ZNF699: variants seen among roughly 807,000 people sequenced by gnomAD.
ZNF699 encodes hangover homolog.
In ZNF699, 18 loss-of-function variants were observed where a neutral mutation model predicts 22.5. That is an observed-to-expected ratio of 0.80 (90% CI 0.55 to 1.19). The LOEUF (loss-of-function observed/expected upper bound fraction) is 1.19. Ranked by LOEUF, ZNF699 falls within the 50% of genes most tolerant of loss-of-function variation. The pLI, the probability that ZNF699 is intolerant of heterozygous loss-of-function variation, is 0.00. For synonymous variants in ZNF699, 241 were observed against 262.3 expected, an observed-to-expected ratio of 0.92 and a Z score of 0.78; for missense variants, 670 against 763.4, an observed-to-expected ratio of 0.88 and a Z score of 1.44.
chr19:9,302,280 G>T, intron 3 of ZNF699, 98 bp downstream of exon 3: 1 of 1,409,738 alleles, frequency 7.1e-7, no homozygotes, highest in Non-Finnish European at 9.9e-7. Context: ...ACTTACCAAT[G>T]TCTTCCCATT....
intron 2 of ZNF699, 73 bp from the exon 3 acceptor site, chr19:9,302,577 A>T: frequency 6.8e-7 from 1 of 1,479,212 alleles, no homozygotes; most frequent in South Asian, 1.3e-5. Flanking sequence ...GATGAGGCTC[A>T]CAACATCGAG....
At chr19:9,301,777 ACCT>A (rs1209128463) in intron 3 of ZNF699, among the ~76,000 whole-genome samples, 2 of 151,594 alleles carry the variant, frequency 1.3e-5, no homozygotes, top group African/African-American at 2.4e-5. Flanking sequence ...CAAACTACAA[ACCT>A]CCTCCCTGTG....
intron 3 of ZNF699, 61 bp downstream of exon 3, chr19:9,302,311 TAAAGTC>T: frequency 6.3e-7 from 1 of 1,581,736 alleles, no homozygotes; most frequent in Non-Finnish European, 8.7e-7. Context: ...AATCCTAGAA[TAAAGTC>T]AATTTAGTGA....
Position 9,303,026 on chromosome 19 carries a change from AAC to A in ZNF699, c.49-524_49-523del, listed in dbSNP as rs375615077. Among the ~76,000 whole-genome samples, 1,056 of 152,176 alleles carry A rather than the reference AAC, an allele frequency of 6.9e-3. 7 individuals are homozygous for A. The highest frequency in any genetic ancestry group is 0.024 in the African/African-American group (994 of 41,532). The stretch of plus-strand genomic sequence containing the variant: ...CTGGACAAAAAAAAACAAAAACAAA[AAC>A]AAAAAAACATTAAATTTATCTCCCC... On this transcript the variant is annotated intron_variant, in intron 2 of 5. Coordinates refer to ENST00000591998, the MANE Select transcript of ZNF699 (RefSeq NM_198535.3).
chr19:9,292,095 T>G lies in ZNF699; in HGVS notation c.*3380A>C, dbSNP rs1385856726. Among the ~76,000 whole-genome samples the G allele has an allele frequency of 6.6e-6, 1 of 152,136 alleles. No homozygotes were observed. The highest frequency in any genetic ancestry group is 2.4e-5 in the African/African-American group (1 of 41,414). On this transcript the variant is annotated 3_prime_UTR_variant, in exon 6 of 6. Transcript: ENST00000591998. The stretch of plus-strand genomic sequence containing the variant: ...AGGAACTACCTAACCCTGGCTGAGT[T>G]CCCAGACTTCACAGTTCCCACTTGC...
rs1413310531 is a variant in ZNF699, at chr19:9,292,384, A to G, written c.*3091T>C. On this transcript the variant is annotated 3_prime_UTR_variant, in exon 6 of 6. Coordinates refer to ENST00000591998, the MANE Select transcript of ZNF699 (RefSeq NM_198535.3). ...ATTCAATTCTGATCATCATATTGGAACCACTCAAAAAGACAATCACTCTTT... is the reference window on the plus strand; with the variant it reads ...ATTCAATTCTGATCATCATATTGGAGCCACTCAAAAAGACAATCACTCTTT... Among the ~76,000 whole-genome samples the G allele has an allele frequency of 6.6e-6, 1 of 152,192 alleles. No individual in the cohort carries two copies. Among genetic ancestry groups the G allele is most frequent in the Non-Finnish European group, 1.5e-5 (1 of 68,028 alleles).
rs2066288297 is a variant in ZNF699, at chr19:9,296,735, A to G, written c.669T>C (p.Tyr223=). The G allele has an allele frequency of 3.7e-6, 6 of 1,613,982 alleles. No homozygotes were observed. In the East Asian group the frequency reaches 1.1e-4, roughly 30 times the overall value. The change falls in exon 6 of 6, where the codon TAT becomes TAC. Residue 223 remains tyrosine, a synonymous_variant. Coordinates refer to ENST00000591998, the MANE Select transcript of ZNF699 (RefSeq NM_198535.3). The part of the protein sequence containing the change: ...HIRSHTGSKP[Y]QCKECGKAFH... Reference sequence around the variant, plus strand: ...AGGCCTTCCCACATTCCTTGCACTGATAGGGTTTGCTTCCAGTATGAGACC... The same window carrying G: ...AGGCCTTCCCACATTCCTTGCACTGGTAGGGTTTGCTTCCAGTATGAGACC...
chr19:9,295,698 C>G lies in ZNF699; in HGVS notation c.1706G>C (p.Arg569Pro). Residue 569 changes from arginine to proline, a missense_variant, in exon 6 of 6, where the codon CGT becomes CCT. Arg to Pro is a moderately radical substitution (Grantham distance 103, BLOSUM62 -2). Transcript: ENST00000591998. ...YECKECGKAFRHSSYLTVHAR... is the reference protein window; with the variant it reads ...YECKECGKAFPHSSYLTVHAR... ...ATGTACAGTAAGGTATGAAGAATGA[C>G]GAAATGCTTTCCCACATTCCTTACA... 1 of 1,613,822 alleles carries G rather than the reference C, an allele frequency of 6.2e-7. No individual in the cohort carries two copies. The highest frequency in any genetic ancestry group is 1.1e-5 in the South Asian group (1 of 91,060).
chr19:9,298,084 C>T, intron 3 of ZNF699, 94 bp from the exon 4 acceptor site: 1 of 722,930 alleles, frequency 1.4e-6, no homozygotes. Context: ...TTCTGATATT[C>T]CAAAAATGGA....
chr19:9,298,135 A>ATT (rs55772378), intron 3 of ZNF699, 145 bp from the exon 4 acceptor site: 5 of 491,854 alleles, frequency 1.0e-5, no homozygotes, highest in South Asian at 3.1e-5. Flanking sequence ...AAATTTATTT[A>ATT]TTTTTTTTTT....
rs1332360256 is a variant in ZNF699, at chr19:9,292,161, A to T, written c.*3314T>A. On this transcript the variant is annotated 3_prime_UTR_variant, in exon 6 of 6. Coordinates refer to ENST00000591998, the MANE Select transcript of ZNF699 (RefSeq NM_198535.3). Reference sequence around the variant, plus strand: ...AACAGCTAACATTACCACTGCTTTTAGATCCTACCTGCCCACTCCTTCCTC... The same window carrying T: ...AACAGCTAACATTACCACTGCTTTTTGATCCTACCTGCCCACTCCTTCCTC... Among the ~76,000 whole-genome samples the T allele has an allele frequency of 1.3e-5, 2 of 152,164 alleles. No homozygotes were observed. The highest frequency in any genetic ancestry group is 4.8e-5 in the African/African-American group (2 of 41,434).
chr19:9,296,202 T>C lies in ZNF699; in HGVS notation c.1202A>G (p.Asn401Ser), dbSNP rs369286947. ...YKCKECGKAY[N>S]CPSSLSIHMR... is the part of the protein sequence containing the mutation. ...ATGGATACTTAAGGAGGAGGGACAA[T>C]TGTAGGCTTTCCCACATTCCTTACA... is the stretch of plus-strand genomic sequence containing the variant. The change falls in exon 6 of 6, where the codon AAT becomes AGT. Residue 401 changes from asparagine (N) to serine (S), a missense_variant. By Grantham distance (46) the Asn-to-Ser change is conservative. Transcript: ENST00000591998. The C allele has an allele frequency of 1.9e-5, 30 of 1,611,178 alleles. No homozygotes were observed. The African/African-American group carries it at 2.4e-4, about 13-fold the overall frequency.
Position 9,298,427 on chromosome 19 carries a change from C to T in ZNF699, c.176-437G>A, listed in dbSNP as rs144170136. On this transcript the variant is annotated intron_variant, in intron 3 of 5. Transcript: ENST00000591998. ...TGCCACTGCACTCCCGCCCGGGCGA[C>T]AGAGCGAGACTCTATCTCAAAAAAA... Among the ~76,000 whole-genome samples the T allele has an allele frequency of 7.6e-3, 1,032 of 136,494 alleles. 9 individuals are homozygous for T. Among genetic ancestry groups the T allele is most frequent in the African/African-American group, 0.027 (972 of 36,228 alleles). 89.5% of individuals were successfully genotyped at this position (136,494 alleles called of 152,430 possible). A position where few individuals can be genotyped will look rare whatever the true frequency, so the allele number is the denominator to read the frequency against.
rs1010118910 is a variant in ZNF699 at position 9,294,133 on chromosome 19, A to T, written c.*1342T>A. 1.3e-5 allele frequency: 2 copies of T among 152,228 alleles called. No homozygotes were observed. Among genetic ancestry groups the T allele is most frequent in the Non-Finnish European group, 2.9e-5 (2 of 68,038 alleles). The allele number at this position is 152,228 out of a possible 1,614,324, so 9.4% of individuals were successfully genotyped here. ...TGACATGATGCGATTGGACTGTGTAAGAAAGACTGCAACATAAGCAAAATG... is the reference window on the plus strand; with the variant it reads ...TGACATGATGCGATTGGACTGTGTATGAAAGACTGCAACATAAGCAAAATG... On this transcript the variant is annotated 3_prime_UTR_variant, in exon 6 of 6. Transcript: ENST00000591998.
intron 1 of ZNF699, among the ~76,000 whole-genome samples, chr19:9,305,759 T>C (rs1244253742): frequency 1.3e-5 from 2 of 151,746 alleles, no homozygotes; most frequent in Admixed American, 1.3e-4. Flanking sequence ...TGGAGTGCAG[T>C]GGTGTGATCT....
intron 2 of ZNF699, among the ~76,000 whole-genome samples, chr19:9,304,724 G>C (rs1473784946): frequency 6.6e-6 from 1 of 152,130 alleles, no homozygotes; most frequent in Non-Finnish European, 1.5e-5. Context: ...AGGAGATTGA[G>C]ACCATCCTGG....
rs1399604455 is a variant in ZNF699, at chr19:9,292,162, G to A, written c.*3313C>T. 6.6e-6 allele frequency among the ~76,000 whole-genome samples: 1 copy of A among 152,066 alleles called. No homozygotes were observed. Among genetic ancestry groups the A allele is most frequent in the Non-Finnish European group, 1.5e-5 (1 of 68,020 alleles). ...ACAGCTAACATTACCACTGCTTTTA[G>A]ATCCTACCTGCCCACTCCTTCCTCC... is the stretch of plus-strand genomic sequence containing the variant. On this transcript the variant is annotated 3_prime_UTR_variant, in exon 6 of 6. Coordinates refer to ENST00000591998, the MANE Select transcript of ZNF699 (RefSeq NM_198535.3).
Position 9,293,385 on chromosome 19 carries a change from AC to A in ZNF699, c.*2089del, listed in dbSNP as rs1396539963. Among the ~76,000 whole-genome samples the A allele has an allele frequency of 6.6e-6, 1 of 152,158 alleles. No individual in the cohort carries two copies. On this transcript the variant is annotated 3_prime_UTR_variant, in exon 6 of 6. Coordinates refer to ENST00000591998, the MANE Select transcript of ZNF699 (RefSeq NM_198535.3). The stretch of plus-strand genomic sequence containing the variant: ...ATATTTTTTGAAAACTGCAATACCT[AC>A]CAAAACTAAATTTAAAGTCTACCCT...
chr19:9,298,111 T>G, intron 3 of ZNF699, 121 bp from the exon 4 acceptor site: 1 of 599,702 alleles, frequency 1.7e-6, no homozygotes, highest in Non-Finnish European at 2.9e-6. Flanking sequence ...TGAGTTTAAC[T>G]GCAACAAAAT....
Sources: gnomAD v4.1 joint callset for allele counts (sites outside exome capture counted in the v4.1 genomes callset) on GRCh38, gnomAD v4.1.1 for gene constraint, MANE v1.5 for transcripts, NCBI Gene and HGNC (gene_info 2026-07-23, HGNC 2026-07-21) for gene names.